The following MAML3 variants were observed in gnomAD, a reference collection of about 807,000 sequenced individuals.
MAML3 encodes mastermind-like protein 3.
In MAML3, 27 loss-of-function variants were observed where a neutral mutation model predicts 101.9. The observed-to-expected ratio is 0.27, with a 90% CI of 0.20 to 0.37. The LOEUF (loss-of-function observed/expected upper bound fraction) is 0.37, where lower values mean the gene tolerates loss of function less well. Ranked by LOEUF, MAML3 falls within the 10% of genes least tolerant of loss-of-function variation. The pLI, the probability that MAML3 is intolerant of heterozygous loss-of-function variation, is 1.00. For missense variants in MAML3, 1,316 were observed against 1,444.9 expected (o/e 0.91, Z 1.45); for synonymous variants, 501 against 555.9 (o/e 0.90, Z 1.39).
chr4:140,032,873 T>C lies in MAML3; in HGVS notation c.468+119987A>G, dbSNP rs919722552. 3.4e-4 allele frequency among the ~76,000 whole-genome samples: 26 copies of C among 76,376 alleles called. No individual in the cohort carries two copies. The South Asian group carries it at 5.9e-3, about 17-fold the overall frequency. The allele number at this position is 76,376 out of a possible 152,430, so 50.1% of individuals were successfully genotyped here. ...CTACCATTGGAAAAAAACCTCTCAT[T>C]GTTTGTAAAAAAAAAAAAAAAAAAA... On this transcript the variant is annotated intron_variant, in intron 1 of 4. Transcript: ENST00000509479.
At chr4:139,972,378 C>T (rs1734247791) in intron 1 of MAML3, among the ~76,000 whole-genome samples, 1 of 152,170 alleles carries the variant, frequency 6.6e-6, no homozygotes, top group South Asian at 2.1e-4. Context: ...CCTTGAAGTT[C>T]AACTTTGAAA....
At chr4:140,090,130 A>G (rs1728018993) in intron 1 of MAML3, among the ~76,000 whole-genome samples, 1 of 152,246 alleles carries the variant, frequency 6.6e-6, no homozygotes, top group East Asian at 1.9e-4. Context: ...TCGCCATTTT[A>G]AGACTGATGA....
At chr4:139,737,146 C>G (rs546714547) in intron 2 of MAML3, among the ~76,000 whole-genome samples, 2 of 152,266 alleles carry the variant, frequency 1.3e-5, no homozygotes, top group Non-Finnish European at 2.9e-5. Flanking sequence ...CCTAGACTTA[C>G]AAGTCCCTCG....
chr4:139,892,795 G>C (rs949226395), intron 1 of MAML3, among the ~76,000 whole-genome samples: 2 of 152,014 alleles, frequency 1.3e-5, no homozygotes, highest in African/African-American at 2.4e-5. Flanking sequence ...GCCGGGCGTG[G>C]TGGCGGGCGC....
intron 1 of MAML3, among the ~76,000 whole-genome samples, chr4:140,066,063 A>G (rs1416573350): frequency 1.3e-5 from 2 of 152,218 alleles, no homozygotes; most frequent in African/African-American, 4.8e-5. Context: ...AATTTTCAGA[A>G]ACACATCCAT....
At chr4:139,772,319 A>G (rs1730011433) in intron 2 of MAML3, among the ~76,000 whole-genome samples, 1 of 149,048 alleles carries the variant, frequency 6.7e-6, no homozygotes, top group African/African-American at 2.5e-5. Flanking sequence ...CCTAGTTCAC[A>G]GATATTTTTA....
intron 1 of MAML3, among the ~76,000 whole-genome samples, chr4:140,025,483 T>A (rs1042547361): frequency 1.3e-5 from 2 of 152,182 alleles, no homozygotes; most frequent in African/African-American, 4.8e-5. Context: ...ATGGAAAGAT[T>A]TCTGTCCTGA....
At position 140,052,528 on chromosome 4, in the gene MAML3, T is replaced by C. The variant is rs1017168605; in HGVS notation, c.468+100332A>G. 2.7e-5 allele frequency among the ~76,000 whole-genome samples: 4 copies of C among 149,702 alleles called. No homozygotes were observed. The Admixed American group carries it at 2.7e-4, about 10-fold the overall frequency. On this transcript the variant is annotated intron_variant, in intron 1 of 4. Transcript: ENST00000509479. ...CCTTAAATGTCCCTCAAAAAACCCA[T>C]ATATTTCTTTTTTTTTTTTTTTTTG...
intron 2 of MAML3, among the ~76,000 whole-genome samples, chr4:139,842,052 A>T (rs542135707): frequency 6.6e-6 from 1 of 152,324 alleles, no homozygotes; most frequent in East Asian, 1.9e-4. Context: ...AGATGCACAC[A>T]GGATCAATAA....
chr4:140,044,762 G>A (rs1177311635), intron 1 of MAML3, among the ~76,000 whole-genome samples: 2 of 152,156 alleles, frequency 1.3e-5, no homozygotes, highest in Non-Finnish European at 1.5e-5. Flanking sequence ...ACTGTCTCCC[G>A]ATCCACAGGA....
At chr4:140,002,896 C>T (rs1435966592) in intron 1 of MAML3, among the ~76,000 whole-genome samples, 1 of 152,234 alleles carries the variant, frequency 6.6e-6, no homozygotes, top group Non-Finnish European at 1.5e-5. Context: ...ACTTTACCAG[C>T]AGCAGTGGTT....
chr4:140,091,834 C>T (rs1728057221), intron 1 of MAML3, among the ~76,000 whole-genome samples: 1 of 151,960 alleles, frequency 6.6e-6, no homozygotes, highest in Non-Finnish European at 1.5e-5. Flanking sequence ...GGCTAGCAAC[C>T]TTCCTCTCTT....
At chr4:139,732,387 G>A (rs1034917416) in intron 2 of MAML3, among the ~76,000 whole-genome samples, 2 of 152,044 alleles carry the variant, frequency 1.3e-5, no homozygotes, top group African/African-American at 4.8e-5. Context: ...GACTTCAACT[G>A]CATCTTCAGT....
At chr4:139,807,162 A>T (rs565145850) in intron 2 of MAML3, among the ~76,000 whole-genome samples, 1 of 152,224 alleles carries the variant, frequency 6.6e-6, no homozygotes, top group African/African-American at 2.4e-5. Flanking sequence ...ATGACCCTAA[A>T]TAAGCCATTT....
intron 2 of MAML3, chr4:139,889,037 G>A (rs1428339892): frequency 4.4e-6 from 2 of 453,844 alleles, no homozygotes; most frequent in East Asian, 5.7e-5. Context: ...CAGAGGTAGT[G>A]CCGTGTTTGG....
chr4:139,884,098 G>A (rs1489378374), intron 2 of MAML3, among the ~76,000 whole-genome samples: 1 of 152,030 alleles, frequency 6.6e-6, no homozygotes, highest in Admixed American at 6.5e-5. Context: ...TGGTCAGGCT[G>A]CTCTCGAACT....
intron 1 of MAML3, among the ~76,000 whole-genome samples, chr4:140,081,385 T>C (rs902114699): frequency 5.3e-5 from 8 of 152,314 alleles, no homozygotes; most frequent in African/African-American, 1.4e-4. Context: ...AAAAATAGTA[T>C]ATCCAAGGAC....
intron 1 of MAML3, among the ~76,000 whole-genome samples, chr4:140,149,832 T>C (rs985084167): frequency 2.0e-5 from 3 of 152,206 alleles, no homozygotes; most frequent in East Asian, 1.9e-4. Context: ...ACCTCTATTT[T>C]TGAGATTTTA....
chr4:139,899,600 G>T (rs987866031), intron 1 of MAML3, among the ~76,000 whole-genome samples: 2 of 152,086 alleles, frequency 1.3e-5, no homozygotes, highest in African/African-American at 4.8e-5. Context: ...CCACACATAT[G>T]TTGAAAAAAG....
Sources: allele counts gnomAD v4.1 joint callset (sites outside exome capture counted in the v4.1 genomes callset), GRCh38; gene constraint gnomAD v4.1.1; transcripts MANE v1.5; gene names NCBI Gene and HGNC (gene_info 2026-07-23, HGNC 2026-07-21).